The following ZFP28 variants were observed in gnomAD, a reference collection of about 807,000 sequenced individuals.
ZFP28 encodes the protein ZFP28 zinc finger protein, also known as zinc finger protein 28 homolog.
Under a neutral mutation model 39.5 loss-of-function variants are expected in ZFP28, and 31 were observed. The ratio of observed to expected loss-of-function variants is 0.79; its 90% CI spans 0.59 to 1.06. The LOEUF (loss-of-function observed/expected upper bound fraction) is 1.06, where lower values mean the gene tolerates loss of function less well. Among genes scored for constraint, ZFP28 ranks in the 50% least tolerant of loss-of-function variants. The pLI, the probability that ZFP28 is intolerant of heterozygous loss-of-function variation, is 0.00. For missense variants in ZFP28, 925 were observed against 1,048.4 expected (o/e 0.88, Z 1.63); for synonymous variants, 400 against 378.6 (o/e 1.06, Z -0.66).
rs1284198260 is a variant in ZFP28, at chr19:56,553,953, G to A, written c.1168G>A (p.Glu390Lys). The A allele has an allele frequency of 1.2e-6, 2 of 1,613,088 alleles. No homozygotes were observed. The highest frequency in any genetic ancestry group is 1.7e-6 in the Non-Finnish European group (2 of 1,179,826). The change falls in exon 8 of 8, where the codon GAG becomes AAG. Residue 390 changes from glutamate (E) to lysine (K), a missense_variant. By Grantham distance (56) the Glu-to-Lys change is moderately conservative. This residue lies in a region of ZFP28 where 556 missense variants were observed against 542.9 expected (regional missense o/e 1.02). Coordinates refer to ENST00000301318, the MANE Select transcript of ZFP28 (RefSeq NM_020828.2). ...ATGGTTCTATTTGGACGATTCAGAAGAGAAAGTTCATAATCGTGATTCAAT... is the reference window on the plus strand; with the variant it reads ...ATGGTTCTATTTGGACGATTCAGAAAAGAAAGTTCATAATCGTGATTCAAT... Reference protein sequence around the residue: ...GRWFYLDDSEEKVHNRDSIKN... With the variant: ...GRWFYLDDSEKKVHNRDSIKN...
chr19:56,539,105 A>G lies in ZFP28; in HGVS notation c.87A>G (p.Arg29=). ...GAPRTKPRAG[R]GPTVGTPATL... Reference sequence around the variant, plus strand: ...CCCGCACAAAGCCCCGGGCGGGCCGAGGCCCGACTGTAGGGACTCCAGCCA... The same window carrying G: ...CCCGCACAAAGCCCCGGGCGGGCCGGGGCCCGACTGTAGGGACTCCAGCCA... Residue 29 remains arginine (R), a synonymous_variant, in exon 1 of 8, where the codon CGA becomes CGG. Transcript: ENST00000301318. 6.4e-7 allele frequency: 1 copy of G among 1,557,374 alleles called. No individual in the cohort carries two copies.
At chr19:56,539,882 G>T (rs1156615088) in intron 2 of ZFP28, among the ~76,000 whole-genome samples, 166 bp downstream of exon 2, 3 of 152,204 alleles carry the variant, frequency 2.0e-5, no homozygotes, top group African/African-American at 7.2e-5. Context: ...AGTTTAAACT[G>T]CCCGGGGCCT....
Position 56,546,293 on chromosome 19 carries a change from C to T in ZFP28, c.301-1215C>T, listed in dbSNP as rs563970137. 6 of 152,306 alleles carry T rather than the reference C, an allele frequency of 3.9e-5. No homozygotes were observed. In the East Asian group the frequency reaches 1.2e-3, roughly 29 times the overall value. The allele number at this position is 152,306 out of a possible 1,614,324, so 9.4% of individuals were successfully genotyped here. A position where few individuals can be genotyped will look rare whatever the true frequency, so the allele number is the denominator to read the frequency against. ...CACAGCTGCTAGTCAGTTAAATCTG[C>T]CTTCTGTTAGCCACAGGTTCCTGGG... On this transcript the variant is annotated intron_variant, in intron 2 of 7. Coordinates refer to ENST00000301318, the MANE Select transcript of ZFP28 (RefSeq NM_020828.2).
intron 2 of ZFP28, among the ~76,000 whole-genome samples, chr19:56,544,332 AAATC>A (rs1200708341): frequency 6.6e-6 from 1 of 152,274 alleles, no homozygotes; most frequent in Admixed American, 6.5e-5. Context: ...TGGTTGAAAA[AAATC>A]AAAAGAAGAA....
rs745781137 is a variant in ZFP28 at position 56,553,748 on chromosome 19, A to G, written c.963A>G (p.Val321=). ...FPKQDSYAEG[V]TDRTSNTKLD... The stretch of plus-strand genomic sequence containing the variant: ...AGCAAGATTCATATGCTGAAGGGGT[A>G]ACAGACAGAACCTCAAACACTAAAC... Residue 321 remains valine, a synonymous_variant, in exon 8 of 8, where the codon GTA becomes GTG. Transcript: ENST00000301318. 1.2e-6 allele frequency: 2 copies of G among 1,614,116 alleles called. No individual in the cohort carries two copies. The highest frequency in any genetic ancestry group is 4.5e-5 in the East Asian group (2 of 44,868).
chr19:56,541,255 T>G (rs1441972917), intron 2 of ZFP28, among the ~76,000 whole-genome samples: 1 of 152,214 alleles, frequency 6.6e-6, no homozygotes, highest in African/African-American at 2.4e-5. Context: ...TCCGGAAGCC[T>G]TGTCATGATT....
At chr19:56,549,569 C>T (rs1295796149) in intron 5 of ZFP28, among the ~76,000 whole-genome samples, 1 of 151,900 alleles carries the variant, frequency 6.6e-6, no homozygotes, top group Non-Finnish European at 1.5e-5. Context: ...CCCAGCTACT[C>T]AGGAGGCTGA....
At chr19:56,551,089 A>C in intron 7 of ZFP28, 1 of 1,058,676 alleles carries the variant, frequency 9.4e-7, no homozygotes, top group Admixed American at 4.9e-5. Context: ...AGGATAAGAC[A>C]TGTTTATGGA....
intron 7 of ZFP28, chr19:56,551,828 T>G: frequency 1.0e-6 from 1 of 983,872 alleles, no homozygotes; most frequent in Non-Finnish European, 1.2e-6. Context: ...AGTTCTCTCT[T>G]GTGTGTTAAA....
At position 56,554,095 on chromosome 19, in the gene ZFP28, T is replaced by C. The variant is rs1941691284; in HGVS notation, c.1310T>C (p.Val437Ala). The C allele has an allele frequency of 1.9e-6, 3 of 1,614,188 alleles. No individual in the cohort carries two copies. Among genetic ancestry groups the C allele is most frequent in the Middle Eastern group, 1.6e-4 (1 of 6,062 alleles). Residue 437 changes from valine (V) to alanine (A), a missense_variant, in exon 8 of 8, where the codon GTT (valine) becomes GCT (alanine). Val to Ala is a moderately conservative substitution (Grantham distance 64). Around this residue, in one of 2 missense-constraint regions of ZFP28, gnomAD observed 556 missense variants for 542.9 expected, o/e 1.02. Transcript: ENST00000301318. The surrounding 1 kb of genome is among the most constrained non-coding windows in gnomAD (Gnocchi z 6.7). ...KTFTQSSSLT[V>A]HQRIHTGEKP... ...TTTACCCAGAGCTCATCTCTTACTG[T>C]TCATCAGAGAATTCACACTGGAGAG...
In ZFP28 at chr19:56,555,392, G is replaced by A; in HGVS notation, c.2607G>A (p.Ter869=). Residue 869 remains the stop codon, a stop_retained_variant, in exon 8 of 8, where the codon TAG becomes TAA. Transcript: ENST00000301318. ...LWNPSSLPSP[*] The stretch of plus-strand genomic sequence containing the variant: ...ATCCATCCTCCCTCCCATCACCATA[G>A]CCTCGAGACGTCATTTCTGTTTGAC... 6.3e-7 allele frequency: 1 copy of A among 1,596,078 alleles called. No homozygotes were observed. The highest frequency in any genetic ancestry group is 1.1e-5 in the South Asian group (1 of 88,144).
chr19:56,542,471 C>A (rs1033213576), intron 2 of ZFP28, among the ~76,000 whole-genome samples: 2 of 152,196 alleles, frequency 1.3e-5, no homozygotes, highest in Admixed American at 1.3e-4. Context: ...TATTTTCAGT[C>A]TGCATTTGGT....
chr19:56,543,232 CAGAA>C (rs915784649), intron 2 of ZFP28, among the ~76,000 whole-genome samples: 4 of 151,014 alleles, frequency 2.6e-5, no homozygotes, highest in African/African-American at 7.3e-5. Context: ...GAAATTTCAA[CAGAA>C]AGATTTTTCT....
At chr19:56,552,547 T>G (rs399970) in intron 7 of ZFP28, 33,206 of 152,106 alleles carry the variant, frequency 0.22, 4,422 homozygotes, top group East Asian at 0.33. Flanking sequence ...TTTCCTGTAT[T>G]TATGCAACAT....
chr19:56,551,892 G>A (rs1232269378), intron 7 of ZFP28: 33 of 982,684 alleles, frequency 3.4e-5, no homozygotes, highest in Non-Finnish European at 3.9e-5. Context: ...CTAATTCTGT[G>A]ATATATTGTC....
chr19:56,539,450 C>T (rs2044174093), intron 1 of ZFP28, among the ~76,000 whole-genome samples, 175 bp from the exon 2 acceptor site: 1 of 152,274 alleles, frequency 6.6e-6, no homozygotes, highest in East Asian at 1.9e-4. Flanking sequence ...TCTAACTAGA[C>T]GCTTTTCCTG....
chr19:56,542,430 G>A (rs1186227188), intron 2 of ZFP28, among the ~76,000 whole-genome samples: 1 of 152,252 alleles, frequency 6.6e-6, no homozygotes, highest in African/African-American at 2.4e-5. Flanking sequence ...TGCGATTAGA[G>A]GTGTGATTCC....
chr19:56,540,355 T>C (rs1001870894), intron 2 of ZFP28, among the ~76,000 whole-genome samples: 2 of 152,238 alleles, frequency 1.3e-5, no homozygotes, highest in African/African-American at 4.8e-5. Context: ...TATGAAAGGC[T>C]TTTCCACTTG....
In ZFP28 at chr19:56,539,488, C is replaced by T. The variant is rs2044174623; in HGVS notation, c.209-137C>T. 3.8e-6 allele frequency: 3 copies of T among 784,264 alleles called. No individual in the cohort carries two copies. In the South Asian group the frequency reaches 5.5e-5, roughly 14 times the overall value. 48.6% of individuals were successfully genotyped at this position (784,264 alleles called of 1,614,324 possible). A position where few individuals can be genotyped will look rare whatever the true frequency, so the allele number is the denominator to read the frequency against. The stretch of plus-strand genomic sequence containing the variant: ...TTCGTGCTCCCAGGGAGGAAAAAAA[C>T]CTATCTCCACGTTGTGGCAGTCCCT... On this transcript the variant is annotated intron_variant, in intron 1 of 7. Transcript: ENST00000301318.
Sources: gnomAD v4.1 joint callset for allele counts (sites outside exome capture counted in the v4.1 genomes callset) on GRCh38, gnomAD v4.1.1 for gene constraint, gnomAD v4.1.1 regional missense constraint, Gnocchi (gnomAD v3.1) non-coding constraint, MANE v1.5 for transcripts, NCBI Gene and HGNC (gene_info 2026-07-23, HGNC 2026-07-21) for gene names.